The following PDE4D variants were observed in gnomAD, a reference collection of about 807,000 sequenced individuals.
The protein encoded by PDE4D is 3',5'-cyclic-AMP phosphodiesterase 4D.
PDE4D carries 24 observed loss-of-function variants against 87.4 expected under a neutral mutation model. The observed-to-expected ratio is 0.27, with a 90% CI of 0.20 to 0.39. PDE4D has a LOEUF of 0.39. PDE4D is among the 10% of genes least tolerant of loss of function. The pLI, the probability that PDE4D is intolerant of heterozygous loss-of-function variation, is 1.00. For missense variants in PDE4D, 714 were observed against 1,041.0 expected (o/e 0.69, Z 4.32); for synonymous variants, 384 against 383.2 (o/e 1.00, Z -0.02).
chr5:59,807,875 CA>C (rs1281631413), intron 1 of PDE4D, among the ~76,000 whole-genome samples: 1 of 152,168 alleles, frequency 6.6e-6, no homozygotes, highest in Non-Finnish European at 1.5e-5. Context: ...CTCAAAATTT[CA>C]GAAGCAGCCT....
chr5:59,916,631 CATT>C (rs1426632488), intron 3 of PDE4D, among the ~76,000 whole-genome samples: 7 of 152,140 alleles, frequency 4.6e-5, no homozygotes, highest in Admixed American at 4.6e-4. Context: ...CATTTAATCA[CATT>C]GTTGTTTCAC....
At chr5:60,049,583 C>G (rs980539574) in intron 2 of PDE4D, among the ~76,000 whole-genome samples, 2 of 152,162 alleles carry the variant, frequency 1.3e-5, no homozygotes, top group Non-Finnish European at 2.9e-5. Context: ...TTCCTTCTAA[C>G]AGACAGGACC....
intron 6 of PDE4D, among the ~76,000 whole-genome samples, chr5:59,038,620 T>C (rs1758984866): frequency 6.6e-6 from 1 of 152,222 alleles, no homozygotes; most frequent in Non-Finnish European, 1.5e-5. Context: ...TTAGGAACCC[T>C]GTGTCTTGGG....
intron 2 of PDE4D, among the ~76,000 whole-genome samples, chr5:60,025,542 T>C (rs1024810900): frequency 2.1e-4 from 32 of 152,156 alleles, no homozygotes; most frequent in Non-Finnish European, 3.5e-4. Context: ...TAAAATGATT[T>C]AGTAAAGCTA....
chr5:60,217,027 G>A (rs1743924055), intron 1 of PDE4D, among the ~76,000 whole-genome samples: 1 of 151,924 alleles, frequency 6.6e-6, no homozygotes, highest in African/African-American at 2.4e-5. Context: ...AGACAAACAT[G>A]GTAAGCCAGA....
At chr5:59,475,533 G>C (rs898891875) in intron 1 of PDE4D, among the ~76,000 whole-genome samples, 1 of 151,970 alleles carries the variant, frequency 6.6e-6, no homozygotes, top group African/African-American at 2.4e-5. Flanking sequence ...TGCAGAGCAG[G>C]AACCATAACT....
At chr5:60,457,975 C>G (rs965414649) in intron 1 of PDE4D, among the ~76,000 whole-genome samples, 1 of 152,192 alleles carries the variant, frequency 6.6e-6, no homozygotes, top group Non-Finnish European at 1.5e-5. Flanking sequence ...GTATCAGACT[C>G]TCCACTGAGC....
chr5:59,360,876 T>A (rs1418717193), intron 1 of PDE4D, among the ~76,000 whole-genome samples: 1 of 152,120 alleles, frequency 6.6e-6, no homozygotes, highest in Non-Finnish European at 1.5e-5. Flanking sequence ...TACAATTGCA[T>A]CCATTACTCA....
At chr5:60,303,559 G>A (rs1583354921) in intron 1 of PDE4D, among the ~76,000 whole-genome samples, 2 of 151,880 alleles carry the variant, frequency 1.3e-5, no homozygotes, top group African/African-American at 4.8e-5. Flanking sequence ...CGCCCGTCTC[G>A]GCCTCCCAAA....
At chr5:59,192,569 G>A (rs931269390) in intron 3 of PDE4D, among the ~76,000 whole-genome samples, 5 of 152,136 alleles carry the variant, frequency 3.3e-5, no homozygotes, top group Middle Eastern at 3.2e-3. Context: ...ATTTAAGTGA[G>A]TTGTCCAAGG....
chr5:59,345,189 A>T (rs1057079283), intron 1 of PDE4D, among the ~76,000 whole-genome samples: 3 of 152,198 alleles, frequency 2.0e-5, no homozygotes, highest in Non-Finnish European at 4.4e-5. Flanking sequence ...TTTTAGCGTG[A>T]CTTACACTGC....
chr5:60,465,017 G>C (rs1410823183), intron 1 of PDE4D, among the ~76,000 whole-genome samples: 1 of 152,062 alleles, frequency 6.6e-6, no homozygotes, highest in African/African-American at 2.4e-5. Flanking sequence ...GCTGAGGCGG[G>C]AGGATTGTTT....
intron 2 of PDE4D, among the ~76,000 whole-genome samples, chr5:60,020,600 G>A (rs1249327164): frequency 6.6e-6 from 1 of 152,008 alleles, no homozygotes; most frequent in Non-Finnish European, 1.5e-5. Context: ...AAAGAAAAAA[G>A]ATAATATACA....
chr5:60,088,302 C>G lies in PDE4D; in HGVS notation c.42+97255G>C, dbSNP rs984654070. On this transcript the variant is annotated intron_variant, in intron 2 of 16. Coordinates refer to the PDE4D transcript ENST00000502484. ...AAAATGGATGCTAATGTGTAAAAAA[C>G]AAAAAACAAAAAACAAAACAAAAAA... 1.1e-4 allele frequency among the ~76,000 whole-genome samples: 17 copies of G among 150,434 alleles called. No individual in the cohort carries two copies. The South Asian group carries it at 3.6e-3, about 32-fold the overall frequency.
chr5:60,495,138 G>A (rs1371152781), intron 1 of PDE4D, among the ~76,000 whole-genome samples: 1 of 152,136 alleles, frequency 6.6e-6, no homozygotes, highest in Non-Finnish European at 1.5e-5. Flanking sequence ...TGCCTCAAAA[G>A]CAATTTGGCC....
At chr5:58,985,159 C>T (rs1436048616) in intron 11 of PDE4D, among the ~76,000 whole-genome samples, 1 of 152,088 alleles carries the variant, frequency 6.6e-6, no homozygotes, top group Non-Finnish European at 1.5e-5. Flanking sequence ...CAGTGATTCA[C>T]CCATCTTGAC....
chr5:59,469,719 AG>A (rs1374584850), intron 1 of PDE4D, among the ~76,000 whole-genome samples: 6 of 152,342 alleles, frequency 3.9e-5, no homozygotes, highest in South Asian at 4.1e-4. Flanking sequence ...AGCTAACAAA[AG>A]AAAGAGTCCC....
At chr5:59,249,018 C>T (rs1294278064) in intron 1 of PDE4D, among the ~76,000 whole-genome samples, 1 of 151,646 alleles carries the variant, frequency 6.6e-6, no homozygotes, top group Non-Finnish European at 1.5e-5. Flanking sequence ...GTATAAAACA[C>T]CATGAACAAA....
At chr5:59,254,167 C>T (rs1280054888) in intron 1 of PDE4D, among the ~76,000 whole-genome samples, 1 of 152,022 alleles carries the variant, frequency 6.6e-6, no homozygotes, top group Admixed American at 6.6e-5. Context: ...GTCACCAACA[C>T]ATGATACTTG....
Sources: gnomAD v4.1 joint callset for allele counts (sites outside exome capture counted in the v4.1 genomes callset) on GRCh38, gnomAD v4.1.1 for gene constraint, MANE v1.5 for transcripts, NCBI Gene and HGNC (gene_info 2026-07-23, HGNC 2026-07-21) for gene names.